Variants in DLGAP2 observed in about 807,000 individuals in gnomAD.
DLGAP2 encodes DLG associated protein 2, also known as disks large-associated protein 2.
Under a neutral mutation model 100.3 loss-of-function variants are expected in DLGAP2, and 26 were observed. The observed-to-expected ratio is 0.26, with a 90% CI of 0.19 to 0.36. DLGAP2 has a LOEUF of 0.36. Among genes scored for constraint, DLGAP2 ranks in the 10% least tolerant of loss-of-function variants. The probability of loss-of-function intolerance (pLI) is 1.00; values close to 1 mark genes in which losing one functional copy is unlikely to be tolerated. For missense variants in DLGAP2, 1,858 were observed against 1,453.2 expected (o/e 1.28, Z -4.53); for synonymous variants, 886 against 630.1 (o/e 1.41, Z -6.08).
chr8:1,294,845 G>A (rs1800134001), intron 3 of DLGAP2, among the ~76,000 whole-genome samples: 2 of 151,212 alleles, frequency 1.3e-5, no homozygotes, highest in Non-Finnish European at 2.9e-5. Context: ...TTCCAGCCTG[G>A]GCGACAGAGC....
rs528821810 is a variant in DLGAP2 at position 832,224 on chromosome 8, C to A, written c.19-75688C>A. 2.6e-5 allele frequency among the ~76,000 whole-genome samples: 4 copies of A among 152,256 alleles called. No homozygotes were observed. In the South Asian group the frequency reaches 8.3e-4, roughly 32 times the overall value. On this transcript the variant is annotated intron_variant, in intron 1 of 14. Transcript: ENST00000637795. ...CAGAAGTTCTTTAGTTTAATTAGAT[C>A]CCATTTGTCTGTTTTGGCTTTTGTT...
At chr8:1,156,069 A>G (rs1796778750) in intron 2 of DLGAP2, among the ~76,000 whole-genome samples, 1 of 152,118 alleles carries the variant, frequency 6.6e-6, no homozygotes, top group South Asian at 2.1e-4. Flanking sequence ...CCCTCCCGCC[A>G]TTAAGCAAGG....
At chr8:1,171,083 C>G (rs1292248677) in intron 2 of DLGAP2, among the ~76,000 whole-genome samples, 1 of 151,932 alleles carries the variant, frequency 6.6e-6, no homozygotes, top group Non-Finnish European at 1.5e-5. Context: ...TATGTTGTGT[C>G]TTTGTTCTCG....
chr8:1,549,258 G>A lies in DLGAP2; in HGVS notation c.805G>A (p.Ala269Thr). ...CGGCCGGGCGGACGACCACCACCACGCCCACCACGCCAAGCACAGCAAGAG... is the reference window on the plus strand; with the variant it reads ...CGGCCGGGCGGACGACCACCACCACACCCACCACGCCAAGCACAGCAAGAG... The part of the protein sequence containing the change: ...ADGRADDHHH[A>T]HHAKHSKRSK... The change falls in exon 5 of 15, where the codon GCC becomes ACC. Residue 269 changes from alanine to threonine, a missense_variant. Transcript: ENST00000637795. 5 of 1,610,160 alleles carry A rather than the reference G, an allele frequency of 3.1e-6. No homozygotes were observed. Among genetic ancestry groups the A allele is most frequent in the Middle Eastern group, 1.6e-4 (1 of 6,062 alleles).
chr8:1,102,857 C>T (rs1358107812), intron 2 of DLGAP2, among the ~76,000 whole-genome samples: 3 of 151,598 alleles, frequency 2.0e-5, no homozygotes, highest in Non-Finnish European at 4.4e-5. Flanking sequence ...TCTCCGGGGT[C>T]TTTGTGAGTC....
intron 3 of DLGAP2, among the ~76,000 whole-genome samples, chr8:1,426,488 G>A (rs1468631847): frequency 1.3e-5 from 2 of 152,162 alleles, no homozygotes; most frequent in Non-Finnish European, 2.9e-5. Flanking sequence ...GATCCCAGAG[G>A]TCGACAGAAA....
intron 2 of DLGAP2, among the ~76,000 whole-genome samples, chr8:1,076,301 G>A (rs1016447648): frequency 1.3e-5 from 2 of 152,218 alleles, no homozygotes; most frequent in Non-Finnish European, 2.9e-5. Flanking sequence ...CCGGCTGTCC[G>A]CAGCTCACAC....
rs1799660130 is a variant in DLGAP2 at position 1,704,744 on chromosome 8, A to G, written c.*3338A>G. 1 of 151,980 alleles carries G rather than the reference A, an allele frequency of 6.6e-6. No individual in the cohort carries two copies. Among genetic ancestry groups the G allele is most frequent in the Non-Finnish European group, 1.5e-5 (1 of 68,040 alleles). The allele number at this position is 151,980 out of a possible 1,614,324, so 9.4% of individuals were successfully genotyped here. A position where few individuals can be genotyped will look rare whatever the true frequency, so the allele number is the denominator to read the frequency against. On this transcript the variant is annotated 3_prime_UTR_variant, in exon 15 of 15. Transcript: ENST00000637795. ...AGGTAAATGGTCAGATAAAAATATAATTACCTGTAAGGTTATCTGGTTTTA... is the reference window on the plus strand; with the variant it reads ...AGGTAAATGGTCAGATAAAAATATAGTTACCTGTAAGGTTATCTGGTTTTA...
intron 2 of DLGAP2, among the ~76,000 whole-genome samples, chr8:1,245,483 G>A (rs181875753): frequency 1.3e-5 from 2 of 152,332 alleles, no homozygotes; most frequent in Admixed American, 1.3e-4. Flanking sequence ...CGTGAAAGAA[G>A]CCAGTCATGA....
rs373472858 is a variant in DLGAP2 at position 1,651,979 on chromosome 8, G to A, written c.1811-16350G>A. On this transcript the variant is annotated intron_variant, in intron 8 of 14. Transcript: ENST00000637795. ...CGGGCTGGGCAGGCAGCCTGCCCCA[G>A]GCACCTACACAGCTCGTTTCTGCAA... 9.2e-5 allele frequency among the ~76,000 whole-genome samples: 14 copies of A among 152,330 alleles called. No homozygotes were observed. The South Asian group carries it at 1.2e-3, about 14-fold the overall frequency.
chr8:1,632,093 G>C (rs1312195992), intron 7 of DLGAP2, among the ~76,000 whole-genome samples: 1 of 151,964 alleles, frequency 6.6e-6, no homozygotes, highest in Admixed American at 6.6e-5. Context: ...GAGAGACAGG[G>C]GAGGAAGGAT....
intron 2 of DLGAP2, among the ~76,000 whole-genome samples, chr8:1,212,010 G>A (rs1351190657): frequency 1.3e-5 from 2 of 152,252 alleles, no homozygotes; most frequent in Admixed American, 1.3e-4. Flanking sequence ...TTGGTTCTTG[G>A]TCCTTCACCT....
chr8:1,499,176 C>G (rs1056688045), intron 3 of DLGAP2, among the ~76,000 whole-genome samples: 9 of 152,212 alleles, frequency 5.9e-5, no homozygotes, highest in African/African-American at 2.2e-4. Flanking sequence ...CGCAGGCTTC[C>G]GATACCAAGC....
chr8:953,145 T>C lies in DLGAP2; in HGVS notation c.73+45179T>C, dbSNP rs1466941646. ...GCCTTTAAAGTTTTGGAAAGCTTCCTGGCTCATGGTGTTAAATACAGATAT... is the reference window on the plus strand; with the variant it reads ...GCCTTTAAAGTTTTGGAAAGCTTCCCGGCTCATGGTGTTAAATACAGATAT... On this transcript the variant is annotated intron_variant, in intron 2 of 14. Transcript: ENST00000637795. Among the ~76,000 whole-genome samples, 6 of 152,360 alleles carry C rather than the reference T, an allele frequency of 3.9e-5. No individual in the cohort carries two copies. In the East Asian group the frequency reaches 9.6e-4, roughly 24 times the overall value.
At chr8:1,432,705 G>T (rs1253995365) in intron 3 of DLGAP2, among the ~76,000 whole-genome samples, 4 of 152,234 alleles carry the variant, frequency 2.6e-5, no homozygotes, top group African/African-American at 9.6e-5. Flanking sequence ...TCGGCATGCT[G>T]TGAATTTGGC....
intron 7 of DLGAP2, among the ~76,000 whole-genome samples, chr8:1,628,130 C>T (rs1265400911): frequency 4.5e-5 from 5 of 110,336 alleles, no homozygotes; most frequent in African/African-American, 9.1e-5. Flanking sequence ...TTCTGTCTGA[C>T]TTACTGTGGA....
chr8:1,024,150 T>C lies in DLGAP2; in HGVS notation c.73+116184T>C, dbSNP rs535070405. On this transcript the variant is annotated intron_variant, in intron 2 of 14. Coordinates refer to ENST00000637795, the MANE Select transcript of DLGAP2 (RefSeq NM_001346810.2). ...GTGGACAGTCCCATGCCAAGGTAGA[T>C]GCTCCATCCACCACCCACCCTCCCT... Among the ~76,000 whole-genome samples the C allele has an allele frequency of 2.7e-4, 41 of 150,032 alleles. 1 individual carries two copies. In the East Asian group the frequency reaches 5.0e-3, roughly 18 times the overall value.
At chr8:1,168,066 G>A (rs1797055017) in intron 2 of DLGAP2, among the ~76,000 whole-genome samples, 1 of 122,476 alleles carries the variant, frequency 8.2e-6, no homozygotes, top group Non-Finnish European at 1.6e-5. Flanking sequence ...AGAGTGTGAT[G>A]TTCCCCTTCC....
At chr8:1,237,397 G>T (rs1350723764) in intron 2 of DLGAP2, among the ~76,000 whole-genome samples, 1 of 110,072 alleles carries the variant, frequency 9.1e-6, no homozygotes, top group African/African-American at 4.0e-5. Context: ...ATGGCGCCGT[G>T]TCTAGTTACC....
Sources: allele counts gnomAD v4.1 joint callset (sites outside exome capture counted in the v4.1 genomes callset), GRCh38; gene constraint gnomAD v4.1.1; transcripts MANE v1.5; gene names NCBI Gene and HGNC (gene_info 2026-07-23, HGNC 2026-07-21).